PZP: variants seen among roughly 807,000 people sequenced by gnomAD.
PZP encodes the protein pregnancy zone protein.
In PZP, 150 loss-of-function variants were observed where a neutral mutation model predicts 179.8. The observed-to-expected ratio is 0.83, with a 90% CI of 0.73 to 0.96. PZP has a LOEUF of 0.96. Ranked by LOEUF, PZP falls within the 40% of genes least tolerant of loss-of-function variation. The probability of loss-of-function intolerance (pLI) is 0.00; values close to 1 mark genes in which losing one functional copy is unlikely to be tolerated. For synonymous variants in PZP, 624 were observed against 652.3 expected (o/e 0.96, Z 0.66); for missense variants, 1,689 against 1,764.0 (o/e 0.96, Z 0.76).
At chr12:9,150,823 G>C in intron 33 of PZP, 77 bp from the exon 34 acceptor site, 1 of 915,084 alleles carries the variant, frequency 1.1e-6, no homozygotes, top group South Asian at 1.4e-5. Context: ...TATTCTTATT[G>C]TTCTTTGACT....
At position 9,150,499 on chromosome 12, in the gene PZP, T is replaced by C. The variant is rs1484329504; in HGVS notation, c.4384+145A>G. ...GGGTTTTGCTATGTTGGCCAGACTG[T>C]AGTAAGTCGTTTTTATAGTGTACAT... On this transcript the variant is annotated intron_variant, in intron 34 of 35. Coordinates refer to ENST00000261336, the MANE Select transcript of PZP (RefSeq NM_002864.3). The C allele has an allele frequency of 3.7e-5, 21 of 562,630 alleles. No homozygotes were observed. The East Asian group carries it at 5.0e-4, about 13-fold the overall frequency. The allele number at this position is 562,630 out of a possible 1,614,324, so 34.9% of individuals were successfully genotyped here.
intron 28 of PZP, among the ~76,000 whole-genome samples, chr12:9,155,396 C>G (rs1271525158): frequency 1.3e-5 from 2 of 152,158 alleles, no homozygotes; most frequent in Admixed American, 1.3e-4. Context: ...TATAAGGCAC[C>G]ACTTCAAATG....
the PZP span, among the ~76,000 whole-genome samples, chr12:9,139,837 G>A: frequency 3.0e-5 from 4 of 134,024 alleles, no homozygotes; most frequent in Non-Finnish European, 5.3e-5. Context: ...AACCTGAGAG[G>A]GGATTCTGAC....
At chr12:9,206,322 T>C (rs972128063) in intron 1 of PZP, among the ~76,000 whole-genome samples, 1 of 152,090 alleles carries the variant, frequency 6.6e-6, no homozygotes, top group East Asian at 1.9e-4. Context: ...CGATTAAAAA[T>C]TAATTCCACA....
the PZP span, among the ~76,000 whole-genome samples, chr12:9,138,585 A>T: frequency 6.6e-6 from 1 of 151,518 alleles, no homozygotes; most frequent in Admixed American, 6.6e-5. Flanking sequence ...GCACTTTTTT[A>T]AAAAAATGTG....
At chr12:9,201,105 T>C in intron 5 of PZP, 45 bp from the exon 6 acceptor site, 1 of 1,604,728 alleles carries the variant, frequency 6.2e-7, no homozygotes, top group South Asian at 1.1e-5. Flanking sequence ...TTAGTCACAA[T>C]AGTCCTTGAG....
At chr12:9,152,080 T>C in intron 32 of PZP, 140 bp downstream of exon 32, 1 of 690,340 alleles carries the variant, frequency 1.4e-6, no homozygotes, top group Non-Finnish European at 2.6e-6. Flanking sequence ...AACTAAATAG[T>C]TCATTTACTT....
At chr12:9,158,757 C>CTTTTT (rs60888135) in intron 25 of PZP, among the ~76,000 whole-genome samples, 181 bp from the exon 26 acceptor site, 1 of 125,432 alleles carries the variant, frequency 8.0e-6, no homozygotes, top group African/African-American at 3.0e-5. Flanking sequence ...CTTTTCTTTT[C>CTTTTT]TTTTTTTTTT....
At chr12:9,147,475 C>T (rs974316220), downstream of PZP, among the ~76,000 whole-genome samples, 5 of 152,100 alleles carry the variant, frequency 3.3e-5, no homozygotes, top group South Asian at 1.0e-3. Context: ...TCTCATAAGC[C>T]GTAGCATGTC....
At chr12:9,161,455 A>G (rs1941197414) in intron 22 of PZP, among the ~76,000 whole-genome samples, 1 of 152,190 alleles carries the variant, frequency 6.6e-6, no homozygotes, top group Non-Finnish European at 1.5e-5. Flanking sequence ...TTGATAGTCT[A>G]ATTGCTTTTG....
the PZP span, among the ~76,000 whole-genome samples, chr12:9,136,561 A>G: frequency 2.0e-5 from 3 of 152,308 alleles, no homozygotes; most frequent in South Asian, 2.1e-4. Context: ...GCATGTATAT[A>G]TAATATGCAT....
chr12:9,166,498 A>G (rs1241125853), intron 17 of PZP, among the ~76,000 whole-genome samples: 2 of 152,206 alleles, frequency 1.3e-5, no homozygotes, highest in East Asian at 3.9e-4. Flanking sequence ...CGAAGGACCA[A>G]TTTTGAAATT....
In PZP at chr12:9,202,279, A is replaced by G. The variant is rs766983882; in HGVS notation, c.480+40T>C. ...TACCTCACTCTGGGTGAGTATTCCC[A>G]CTCTACCCACAACCCAAACCACAGA... is the stretch of plus-strand genomic sequence containing the variant. On this transcript the variant is annotated intron_variant, in intron 4 of 35. Coordinates refer to ENST00000261336, the MANE Select transcript of PZP (RefSeq NM_002864.3). 15 of 1,534,828 alleles carry G rather than the reference A, an allele frequency of 9.8e-6. 1 individual carries two copies. In the South Asian group the frequency reaches 1.7e-4, roughly 17 times the overall value.
At chr12:9,137,262 T>C in the PZP span, among the ~76,000 whole-genome samples, 4 of 152,170 alleles carry the variant, frequency 2.6e-5, no homozygotes, top group African/African-American at 9.6e-5. Context: ...TACAGTTTTC[T>C]CCACACCATT....
chr12:9,192,366 A>C (rs12423745), intron 12 of PZP, 110 bp from the exon 13 acceptor site: 4 of 1,297,370 alleles, frequency 3.1e-6, no homozygotes, highest in Non-Finnish European at 4.4e-6. Context: ...GAGAGAATCA[A>C]CCTCAAGAAA....
chr12:9,189,073 C>G (rs909757039), intron 13 of PZP, among the ~76,000 whole-genome samples: 1 of 152,062 alleles, frequency 6.6e-6, no homozygotes, highest in Non-Finnish European at 1.5e-5. Context: ...TCATATTGCC[C>G]AAAGCAATTT....
chr12:9,157,290 G>A lies in PZP; in HGVS notation c.3435C>T (p.Thr1145=), dbSNP rs35095552. 6,722 of 1,614,060 alleles carry A rather than the reference G, an allele frequency of 4.2e-3. 26 individuals are homozygous for A. The highest frequency in any genetic ancestry group is 5.1e-3 in the Non-Finnish European group (6,039 of 1,179,958). ...CCTTGGTGTAGACATGGCTCCCATG[G>A]GTCCCCTCCTTTGCTACATTCCAGG... ...ESAWNVAKEG[T]HGSHVYTKAL... is the part of the protein sequence containing the mutation. Residue 1145 remains threonine, a synonymous_variant, in exon 28 of 36, where the codon ACC becomes ACT. Transcript: ENST00000261336.
chr12:9,159,321 A>G (rs751210697), intron 25 of PZP, among the ~76,000 whole-genome samples: 1 of 152,296 alleles, frequency 6.6e-6, no homozygotes, highest in African/African-American at 2.4e-5. Context: ...TGACACATTT[A>G]TTTATCCACA....
chr12:9,194,270 G>T (rs1442206065), intron 10 of PZP, 32 bp from the exon 11 acceptor site: 1 of 1,605,852 alleles, frequency 6.2e-7, no homozygotes, highest in African/African-American at 1.3e-5. Flanking sequence ...TAGTTGATGT[G>T]AACAACACCC....
Sources: allele counts gnomAD v4.1 joint callset (sites outside exome capture counted in the v4.1 genomes callset), GRCh38; gene constraint gnomAD v4.1.1; transcripts MANE v1.5; gene names NCBI Gene and HGNC (gene_info 2026-07-23, HGNC 2026-07-21).